Variants in CSF2RB observed in about 807,000 individuals in gnomAD.
CSF2RB encodes cytokine receptor common subunit beta.
CSF2RB carries 22 observed loss-of-function variants against 67.2 expected under a neutral mutation model. That is an observed-to-expected ratio of 0.33 (90% CI 0.23 to 0.47). The LOEUF (loss-of-function observed/expected upper bound fraction) is 0.47. Ranked by LOEUF, CSF2RB falls within the 20% of genes least tolerant of loss-of-function variation. The pLI is 1.00. For synonymous variants in CSF2RB, 507 were observed against 482.9 expected, an observed-to-expected ratio of 1.05 and a Z score of -0.65; for missense variants, 1,113 against 1,174.5, an observed-to-expected ratio of 0.95 and a Z score of 0.76.
intron 1 of CSF2RB, among the ~76,000 whole-genome samples, chr22:36,916,552 T>C (rs1940717236): frequency 6.6e-6 from 1 of 152,202 alleles, no homozygotes; most frequent in African/African-American, 2.4e-5. Context: ...TCTGGTTTGT[T>C]ATAATTTAGA....
chr22:36,938,348 A>G lies in CSF2RB; in HGVS notation c.2540A>G (p.Glu847Gly), dbSNP rs200382551. ...SKPSSPGPGP[E>G]IKNLDQAFQV... Reference sequence around the variant, plus strand: ...CCTTCTTCCCCGGGACCCGGTCCTGAGATCAAGAACCTAGACCAGGCTTTT... The same window carrying G: ...CCTTCTTCCCCGGGACCCGGTCCTGGGATCAAGAACCTAGACCAGGCTTTT... The change falls in exon 14 of 14, where the codon GAG becomes GGG. Residue 847 changes from glutamate to glycine, a missense_variant. Around this residue, in one of 2 missense-constraint regions of CSF2RB, gnomAD observed 554 missense variants for 517.9 expected, o/e 1.07. Transcript: ENST00000403662. 2 of 1,614,144 alleles carry G rather than the reference A, an allele frequency of 1.2e-6. No homozygotes were observed. The highest frequency in any genetic ancestry group is 1.7e-6 in the Non-Finnish European group (2 of 1,180,010).
intron 1 of CSF2RB, among the ~76,000 whole-genome samples, chr22:36,919,085 T>C (rs1207091985): frequency 6.6e-6 from 1 of 152,226 alleles, no homozygotes; most frequent in Non-Finnish European, 1.5e-5. Flanking sequence ...CTGCACCTAG[T>C]GGCAACGGAG....
At chr22:36,916,248 G>T (rs540641194) in intron 1 of CSF2RB, among the ~76,000 whole-genome samples, 4 of 152,252 alleles carry the variant, frequency 2.6e-5, no homozygotes, top group African/African-American at 9.6e-5. Flanking sequence ...TAAGATTACA[G>T]AAAGAGTTTT....
rs559720447 is a variant in CSF2RB at position 36,919,702 on chromosome 22, C to T, written c.-172-2334C>T. On this transcript the variant is annotated intron_variant, in intron 1 of 13. Transcript: ENST00000403662. ...CTGGGATTACAGGCGTGAGCCACCG[C>T]GCCCAGGCTTTGATTGATTTTTTTT... 3.4e-4 allele frequency among the ~76,000 whole-genome samples: 51 copies of T among 152,162 alleles called. No homozygotes were observed. In the South Asian group the frequency reaches 8.9e-3, roughly 27 times the overall value.
chr22:36,934,767 C>T (rs1941232118), intron 10 of CSF2RB, among the ~76,000 whole-genome samples: 1 of 152,292 alleles, frequency 6.6e-6, no homozygotes, highest in South Asian at 2.1e-4. Context: ...TTGGGAGCAA[C>T]CCAAGTCCCC....
chr22:36,934,370 C>T (rs1443077119), intron 10 of CSF2RB, among the ~76,000 whole-genome samples: 5 of 152,118 alleles, frequency 3.3e-5, no homozygotes, highest in African/African-American at 9.7e-5. Context: ...GACCACTAGT[C>T]GTTGGAAAGT....
In CSF2RB at chr22:36,926,162, AC is replaced by A; in HGVS notation, c.377del (p.Thr126IlefsTer2). ...GCCTCTGGGCACCCGGCTCACCGTC[AC>A]TCTGACCCAGCATGGTGAGGGGCTG... is the stretch of plus-strand genomic sequence containing the variant. ...DRPLGTRLTV[T>X]LTQHVQPPEP... is the part of the protein sequence containing the mutation. On this transcript the variant is annotated frameshift_variant, in exon 4 of 14. Coordinates refer to ENST00000403662, the MANE Select transcript of CSF2RB (RefSeq NM_000395.3). LOFTEE classifies it high-confidence loss of function. 1.2e-6 allele frequency: 2 copies of A among 1,613,936 alleles called. No homozygotes were observed. Among genetic ancestry groups the A allele is most frequent in the Non-Finnish European group, 1.7e-6 (2 of 1,180,012 alleles).
rs376355889 is a variant in CSF2RB, at chr22:36,938,236, C to G, written c.2428C>G (p.Pro810Ala). Residue 810 changes from proline to alanine, a missense_variant, in exon 14 of 14, where the codon CCC becomes GCC. Physicochemically the swap from Pro to Ala is conservative, Grantham distance 27 (BLOSUM62 -1). This residue lies in a region of CSF2RB where 554 missense variants were observed against 517.9 expected (regional missense o/e 1.07). Transcript: ENST00000403662. ...AGATGTGTCCCCAACATCCCCACAG[C>G]CCGAGGGCCTCCTTGTCCTGCAGCA... ...PADVSPTSPQ[P>A]EGLLVLQQVG... 40 of 1,614,092 alleles carry G rather than the reference C, an allele frequency of 2.5e-5. No homozygotes were observed. Among genetic ancestry groups the G allele is most frequent in the Non-Finnish European group, 3.3e-5 (39 of 1,180,034 alleles).
At chr22:36,917,285 T>G (rs940016240) in intron 1 of CSF2RB, among the ~76,000 whole-genome samples, 5 of 152,028 alleles carry the variant, frequency 3.3e-5, no homozygotes, top group Non-Finnish European at 7.4e-5. Context: ...GGCCATGATG[T>G]CTTCTTCTTT....
intron 4 of CSF2RB, 130 bp from the exon 5 acceptor site, chr22:36,929,272 G>A: frequency 8.2e-7 from 1 of 1,221,436 alleles, no homozygotes; most frequent in Non-Finnish European, 1.2e-6. Flanking sequence ...GACGGGTCTT[G>A]CTCAAGGTCC....
chr22:36,933,806 G>A (rs1178509859), intron 9 of CSF2RB, 26 bp from the exon 10 acceptor site: 4 of 1,596,536 alleles, frequency 2.5e-6, no homozygotes, highest in South Asian at 1.1e-5. Flanking sequence ...ACCGGGCCAG[G>A]CCTCACCCTC....
intron 6 of CSF2RB, 42 bp from the exon 7 acceptor site, chr22:36,930,333 G>A (rs1188239609): frequency 1.9e-6 from 3 of 1,612,780 alleles, no homozygotes; most frequent in South Asian, 1.1e-5. Context: ...AGCTATGGGA[G>A]GGATGAATGA....
intron 9 of CSF2RB, among the ~76,000 whole-genome samples, chr22:36,933,434 G>A (rs944263549): frequency 6.6e-6 from 1 of 152,220 alleles, no homozygotes; most frequent in African/African-American, 2.4e-5. Context: ...GTGGAGCCAG[G>A]AGCGGGCCCT....
intron 8 of CSF2RB, 49 bp downstream of exon 8, chr22:36,930,879 C>A (rs1037817162): frequency 1.9e-6 from 3 of 1,604,348 alleles, no homozygotes; most frequent in Admixed American, 3.3e-5. Flanking sequence ...ACCAGCACAC[C>A]CTCATTGTGT....
At chr22:36,925,881 G>A in intron 3 of CSF2RB, 106 bp from the exon 4 acceptor site, 2 of 1,251,398 alleles carry the variant, frequency 1.6e-6, no homozygotes, top group South Asian at 1.3e-5. Flanking sequence ...ATCACTGCTG[G>A]CCCCTGATTC....
intron 13 of CSF2RB, 86 bp downstream of exon 13, chr22:36,936,738 C>T: frequency 8.5e-7 from 1 of 1,173,902 alleles, no homozygotes; most frequent in Non-Finnish European, 1.2e-6. Context: ...TCAAGTGAGG[C>T]TGCCTGTGGC....
intron 1 of CSF2RB, among the ~76,000 whole-genome samples, chr22:36,920,129 C>G (rs749280308): frequency 2.0e-5 from 3 of 152,166 alleles, no homozygotes; most frequent in Non-Finnish European, 2.9e-5. Flanking sequence ...TATTCATATC[C>G]GTAAAACCTT....
At chr22:36,934,938 G>A (rs893829128) in intron 10 of CSF2RB, among the ~76,000 whole-genome samples, 7 of 152,122 alleles carry the variant, frequency 4.6e-5, no homozygotes, top group Non-Finnish European at 1.0e-4. Flanking sequence ...GCCTCTGGAG[G>A]GGCCTTTGCT....
Position 36,937,003 on chromosome 22 carries a change from G to C in CSF2RB, c.1568+351G>C, listed in dbSNP as rs1056981557. Reference sequence around the variant, plus strand: ...TGAGCCGGCAGCTGACCACCAACTCGGCAGGGAGAAGGGGGTGGCATGGTT... The same window carrying C: ...TGAGCCGGCAGCTGACCACCAACTCCGCAGGGAGAAGGGGGTGGCATGGTT... On this transcript the variant is annotated intron_variant, in intron 13 of 13. Coordinates refer to ENST00000403662, the MANE Select transcript of CSF2RB (RefSeq NM_000395.3). This position sits in a 1 kb window ranked among gnomAD's most constrained non-coding sequence, Gnocchi z 4.6. Among the ~76,000 whole-genome samples, 1 of 152,156 alleles carries C rather than the reference G, an allele frequency of 6.6e-6. No individual in the cohort carries two copies. The highest frequency in any genetic ancestry group is 1.5e-5 in the Non-Finnish European group (1 of 68,012).
Sources: gnomAD v4.1 joint callset for allele counts (sites outside exome capture counted in the v4.1 genomes callset) on GRCh38, gnomAD v4.1.1 for gene constraint, gnomAD v4.1.1 regional missense constraint, Gnocchi (gnomAD v3.1) non-coding constraint, MANE v1.5 for transcripts, NCBI Gene and HGNC (gene_info 2026-07-23, HGNC 2026-07-21) for gene names.